The following SH3TC2 variants were observed in gnomAD, a reference collection of about 807,000 sequenced individuals.
SH3TC2 encodes SH3 domain and tetratricopeptide repeats 2, also known as SH3 domain and tetratricopeptide repeat-containing protein 2.
A neutral mutation model predicts 124.5 loss-of-function variants in SH3TC2; 87 were observed. The ratio of observed to expected loss-of-function variants is 0.70; its 90% CI spans 0.59 to 0.84. SH3TC2 has a LOEUF of 0.84. Ranked by LOEUF, SH3TC2 falls within the 40% of genes least tolerant of loss-of-function variation. The pLI is 0.00. For missense variants in SH3TC2, 1,536 were observed against 1,566.4 expected (o/e 0.98, Z 0.33); for synonymous variants, 634 against 628.5 (o/e 1.01, Z -0.13).
At chr5:149,044,935 C>A in intron 3 of SH3TC2, 2 of 268,138 alleles carry the variant, frequency 7.5e-6, no homozygotes, top group African/African-American at 2.2e-5. Context: ...CAAAAGAAGC[C>A]AGGGAATAGA....
At chr5:149,035,369 C>T (rs1432792) in intron 8 of SH3TC2, 79,391 of 152,016 alleles carry the variant, frequency 0.52, 21,885 homozygotes, top group African/African-American at 0.69. Context: ...GGGAGTAATA[C>T]ACAAGCACAA....
At chr5:149,039,889 CT>C (rs11359754) in intron 7 of SH3TC2, among the ~76,000 whole-genome samples, 35,006 of 152,030 alleles carry the variant, frequency 0.23, 4,430 homozygotes, top group African/African-American at 0.32. Context: ...AATCCTATTT[CT>C]TTTTTTGTGT....
chr5:149,011,901 A>G lies in SH3TC2; in HGVS notation c.3204+683T>C, dbSNP rs73795739. Among the ~76,000 whole-genome samples the G allele has an allele frequency of 4.2e-3, 644 of 152,336 alleles. 5 individuals are homozygous for G. The highest frequency in any genetic ancestry group is 0.015 in the African/African-American group (619 of 41,572). On this transcript the variant is annotated intron_variant, in intron 13 of 16. Coordinates refer to ENST00000515425, the MANE Select transcript of SH3TC2 (RefSeq NM_024577.4). ...AAATATAATGTATTAAACATTTACT[A>G]AGTTCTGAGCACTTAATAAATGCTT...
chr5:149,026,503 T>C (rs1754065269), intron 12 of SH3TC2, 69 bp downstream of exon 12: 1 of 1,591,744 alleles, frequency 6.3e-7, no homozygotes, highest in African/African-American at 1.3e-5. Flanking sequence ...TTGCTTCCTG[T>C]GGGAAAGAAC....
intron 6 of SH3TC2, 122 bp downstream of exon 6, chr5:149,041,294 C>T (rs1219471099): frequency 1.0e-6 from 1 of 986,292 alleles, no homozygotes; most frequent in African/African-American, 1.6e-5. Context: ...GATAAAGACC[C>T]ACCCAGAATC....
intron 2 of SH3TC2, among the ~76,000 whole-genome samples, chr5:149,050,136 AC>A (rs1454773429): frequency 3.3e-5 from 5 of 152,210 alleles, no homozygotes; most frequent in Non-Finnish European, 7.3e-5. Flanking sequence ...AAAGACCTGG[AC>A]TTAAATAAGC....
intron 16 of SH3TC2, chr5:149,006,340 AGTATACT>A (rs1753688549): frequency 8.5e-6 from 1 of 117,534 alleles, no homozygotes; most frequent in Non-Finnish European, 1.9e-5. Flanking sequence ...TTAAGATCTA[AGTATACT>A]TAGTTTAAAG....
In SH3TC2 at chr5:148,988,636, C is replaced by G. The variant is rs1753372796; in HGVS notation, c.*16075G>C. ...CAACTGCAAGCATCAACTGTTAGCC[C>G]CGTGAGGAAGCCATCTTCGATGCCC... On this transcript the variant is annotated 3_prime_UTR_variant, in exon 17 of 17. Coordinates refer to ENST00000515425, the MANE Select transcript of SH3TC2 (RefSeq NM_024577.4). Among the ~76,000 whole-genome samples, 2 of 152,196 alleles carry G rather than the reference C, an allele frequency of 1.3e-5. No homozygotes were observed.
chr5:149,027,871 G>A lies in SH3TC2; in HGVS notation c.1861C>T (p.Arg621Cys), dbSNP rs201403149. ...CTGCTGCCCACCACAATCCCCTGGC[G>A]CAGCACGTAGGCCACCACGTCGAGT... ...HELDVVAYVL[R>C]QGIVVGSSPL... is the part of the protein sequence containing the mutation. Residue 621 changes from arginine (R) to cysteine (C), a missense_variant, in exon 11 of 17, where the codon CGC becomes TGC. Arg to Cys is a radical substitution (Grantham distance 180, BLOSUM62 -3). This residue lies in a region of SH3TC2 where 1,102 missense variants were observed against 1,098.6 expected (regional missense o/e 1.00). Transcript: ENST00000515425. 85 of 1,613,864 alleles carry A rather than the reference G, an allele frequency of 5.3e-5. No individual in the cohort carries two copies. Among genetic ancestry groups the A allele is most frequent in the Middle Eastern group, 3.3e-4 (2 of 6,062 alleles).
intron 1 of SH3TC2, among the ~76,000 whole-genome samples, chr5:149,056,473 T>C (rs986266915): frequency 3.3e-5 from 5 of 152,214 alleles, no homozygotes; most frequent in African/African-American, 2.4e-5. Context: ...TAGTATTCTA[T>C]GGTGTATATG....
At position 149,004,321 on chromosome 5, in the gene SH3TC2, AAATTCC is replaced by A. The variant is rs1000864418; in HGVS notation, c.*384_*389del. On this transcript the variant is annotated 3_prime_UTR_variant, in exon 17 of 17. Transcript: ENST00000515425. ...CCCTGAGAAAATCGGTGAAGAGCACAAATTCCAATCTGCTTGCCTTTGCACCAGTGC... is the reference window on the plus strand; with the variant it reads ...CCCTGAGAAAATCGGTGAAGAGCACAAATCTGCTTGCCTTTGCACCAGTGC... The A allele has an allele frequency of 4.8e-6, 1 of 206,612 alleles. No individual in the cohort carries two copies. Among genetic ancestry groups the A allele is most frequent in the African/African-American group, 2.3e-5 (1 of 42,990 alleles). The allele number at this position is 206,612 out of a possible 1,614,324, so 12.8% of individuals were successfully genotyped here.
rs1332810447 is a variant in SH3TC2, at chr5:148,991,662, G to A, written c.*13049C>T. On this transcript the variant is annotated 3_prime_UTR_variant, in exon 17 of 17. Coordinates refer to ENST00000515425, the MANE Select transcript of SH3TC2 (RefSeq NM_024577.4). ...TCTGGGAGGGGTGGCCAGTCAGCTGGGGTCACAAAAGCCTTGTAATTAGAA... is the reference window on the plus strand; with the variant it reads ...TCTGGGAGGGGTGGCCAGTCAGCTGAGGTCACAAAAGCCTTGTAATTAGAA... Among the ~76,000 whole-genome samples the A allele has an allele frequency of 3.9e-5, 6 of 152,284 alleles. No individual in the cohort carries two copies. Among genetic ancestry groups the A allele is most frequent in the African/African-American group, 1.4e-4 (6 of 41,544 alleles).
At position 149,042,721 on chromosome 5, in the gene SH3TC2, T is replaced by C; in HGVS notation, c.502A>G (p.Ile168Val). 6.2e-7 allele frequency: 1 copy of C among 1,614,170 alleles called. No homozygotes were observed. The highest frequency in any genetic ancestry group is 8.5e-7 in the Non-Finnish European group (1 of 1,180,012). ...VSVDDKHLET[I>V]YLGLLIQEGH... ...TCCTGTATCAGGAGTCCCAGGTATA[T>C]TGTTTCCAGGTGTTTATCATCTACA... The change falls in exon 5 of 17, where the codon ATA becomes GTA. Residue 168 changes from isoleucine (I) to valine (V), a missense_variant. Physicochemically the swap from Ile to Val is conservative, Grantham distance 29. This residue lies in a region of SH3TC2 where 1,102 missense variants were observed against 1,098.6 expected (regional missense o/e 1.00). Transcript: ENST00000515425.
At position 148,991,068 on chromosome 5, in the gene SH3TC2, G is replaced by A. The variant is rs1753412809; in HGVS notation, c.*13643C>T. ...GAACATCTGTTGACACTTTCCAGGG[G>A]ACTTTCAAAACCCCAATCCCTCAGA... On this transcript the variant is annotated 3_prime_UTR_variant, in exon 17 of 17. Transcript: ENST00000515425. 6.6e-6 allele frequency among the ~76,000 whole-genome samples: 1 copy of A among 152,114 alleles called. No homozygotes were observed. Among genetic ancestry groups the A allele is most frequent in the African/African-American group, 2.4e-5 (1 of 41,424 alleles).
Position 149,052,229 on chromosome 5 carries a change from GA to G in SH3TC2, c.63del (p.Pro22LeufsTer12). On this transcript the variant is annotated frameshift_variant, in exon 2 of 17. Coordinates refer to ENST00000515425, the MANE Select transcript of SH3TC2 (RefSeq NM_024577.4). LOFTEE classifies it high-confidence loss of function. ...RSLTRGPGKE[T>X]PSKDPTVSSE... is the part of the protein sequence containing the mutation. ...CTCGATACAGTTGGATCCTTGGAAG[GA>G]GTTTCTTTACCTGGAGAAGATGAAA... 1 of 1,610,946 alleles carries G rather than the reference GA, an allele frequency of 6.2e-7. No homozygotes were observed. The highest frequency in any genetic ancestry group is 8.5e-7 in the Non-Finnish European group (1 of 1,177,214).
chr5:149,031,839 A>C, intron 8 of SH3TC2, 152 bp from the exon 9 acceptor site: 1 of 1,033,186 alleles, frequency 9.7e-7, no homozygotes. Context: ...TCACCATTGC[A>C]TACTGTATTT....
chr5:149,059,902 A>C (rs1561775874), intron 1 of SH3TC2, among the ~76,000 whole-genome samples: 1 of 152,370 alleles, frequency 6.6e-6, no homozygotes, highest in East Asian at 1.9e-4. Context: ...TTCTGAAGAT[A>C]ACATGGCATA....
In SH3TC2 at chr5:149,041,500, T is replaced by G; in HGVS notation, c.647A>C (p.Glu216Ala). 1 of 1,614,128 alleles carries G rather than the reference T, an allele frequency of 6.2e-7. No homozygotes were observed. The highest frequency in any genetic ancestry group is 8.5e-7 in the Non-Finnish European group (1 of 1,180,028). ...TGTCACCAAAGACACGCCTTCCAAC[T>G]CGGAGCCAGCTTCTGCCATCTTCAC... is the stretch of plus-strand genomic sequence containing the variant. ...ISVKMAEAGS[E>A]LEGVSLVTGQ... Residue 216 changes from glutamate to alanine, a missense_variant, in exon 6 of 17, where the codon GAG becomes GCG. Glu to Ala is a moderately radical substitution (Grantham distance 107). This residue lies in a region of SH3TC2 where 1,102 missense variants were observed against 1,098.6 expected (regional missense o/e 1.00). Coordinates refer to ENST00000515425, the MANE Select transcript of SH3TC2 (RefSeq NM_024577.4).
chr5:148,986,161 G>A lies in SH3TC2; in HGVS notation c.*18550C>T, dbSNP rs1304895693. Among the ~76,000 whole-genome samples the A allele has an allele frequency of 1.3e-5, 2 of 152,046 alleles. No homozygotes were observed. Among genetic ancestry groups the A allele is most frequent in the Non-Finnish European group, 2.9e-5 (2 of 68,014 alleles). ...CTATTTTACTGCCCGTGTGAACTTG[G>A]GTATGTTACATAACTGCCTTAAACC... On this transcript the variant is annotated 3_prime_UTR_variant, in exon 17 of 17. Coordinates refer to ENST00000515425, the MANE Select transcript of SH3TC2 (RefSeq NM_024577.4).
Sources: gnomAD v4.1 joint callset for allele counts (sites outside exome capture counted in the v4.1 genomes callset) on GRCh38, gnomAD v4.1.1 for gene constraint, gnomAD v4.1.1 regional missense constraint, MANE v1.5 for transcripts, NCBI Gene and HGNC (gene_info 2026-07-23, HGNC 2026-07-21) for gene names.